The following LOXL3 variants were observed in gnomAD, a reference collection of about 807,000 sequenced individuals.
The protein encoded by LOXL3 is lysyl oxidase homolog 3.
In LOXL3, 60 loss-of-function variants were observed where a neutral mutation model predicts 91.8. That is an observed-to-expected ratio of 0.65 (90% CI 0.53 to 0.81). The LOEUF is 0.81. Ranked by LOEUF, LOXL3 falls within the 30% of genes least tolerant of loss-of-function variation. The pLI is 0.00. For missense variants in LOXL3, 874 were observed against 1,000.4 expected (o/e 0.87, Z 1.70); for synonymous variants, 355 against 387.6 (o/e 0.92, Z 0.99).
At chr2:74,542,305 TCAAA>T (rs149001496) in intron 4 of LOXL3, among the ~76,000 whole-genome samples, 9,181 of 151,884 alleles carry the variant, frequency 0.06, 500 homozygotes, top group East Asian at 0.33. Flanking sequence ...AAACAAGGAA[TCAAA>T]CAAACAAACA....
In LOXL3 at chr2:74,534,450, TTC is replaced by T; in HGVS notation, c.1824-21_1824-20del. On this transcript the variant is annotated intron_variant, in intron 10 of 13. Coordinates refer to ENST00000264094, the MANE Select transcript of LOXL3 (RefSeq NM_032603.5). ...GTAATGCCTGTGGGGAGAAGGGAAC[TTC>T]TGTTTCCTTCTCTGCCCCCAGAAGG... 8 of 1,613,328 alleles carry T rather than the reference TTC, an allele frequency of 5.0e-6. No homozygotes were observed. The highest frequency in any genetic ancestry group is 6.8e-6 in the Non-Finnish European group (8 of 1,179,268).
rs1259557207 is a variant in LOXL3 at position 74,535,661 on chromosome 2, T to C, written c.1343A>G (p.Asp448Gly). The C allele has an allele frequency of 9.3e-6, 15 of 1,613,290 alleles. No homozygotes were observed. The highest frequency in any genetic ancestry group is 1.3e-5 in the Non-Finnish European group (15 of 1,179,822). Residue 448 changes from aspartate to glycine, a missense_variant, in exon 8 of 14, where the codon GAT becomes GGT. Asp to Gly is a moderately conservative substitution (Grantham distance 94). Transcript: ENST00000264094. The surrounding 1 kb of genome is among the most constrained non-coding windows in gnomAD (Gnocchi z 4.2). ...GPLRWGLICG[D>G]DWGTLEAMVA... Reference sequence around the variant, plus strand: ...CATGGCCTCCAGGGTCCCCCAGTCATCCCCACAGATGAGGCCCCAGCGAAG... The same window carrying C: ...CATGGCCTCCAGGGTCCCCCAGTCACCCCCACAGATGAGGCCCCAGCGAAG...
chr2:74,545,207 T>C (rs1002773659), intron 4 of LOXL3, among the ~76,000 whole-genome samples: 1 of 152,186 alleles, frequency 6.6e-6, no homozygotes, highest in Non-Finnish European at 1.5e-5. Context: ...TCATTCTCTA[T>C]GTTCTATCAG....
intron 1 of LOXL3, 105 bp downstream of exon 1, chr2:74,553,771 G>C (rs939162867): frequency 6.6e-6 from 1 of 152,588 alleles, no homozygotes; most frequent in African/African-American, 2.4e-5. Flanking sequence ...TCTCAGTTGG[G>C]TGGCTTCCCC....
In LOXL3 at chr2:74,532,731, A is replaced by G; in HGVS notation, c.*875T>C. 6.2e-7 allele frequency: 1 copy of G among 1,612,828 alleles called. No homozygotes were observed. The highest frequency in any genetic ancestry group is 8.5e-7 in the Non-Finnish European group (1 of 1,178,862). On this transcript the variant is annotated 3_prime_UTR_variant, in exon 14 of 14. Coordinates refer to ENST00000264094, the MANE Select transcript of LOXL3 (RefSeq NM_032603.5). ...TGCACACCGGTGAGGGAGAGGCTGC[A>G]GTGTGATATGGGGATGGGCAAGGTG... is the stretch of plus-strand genomic sequence containing the variant.
intron 2 of LOXL3, among the ~76,000 whole-genome samples, chr2:74,551,516 G>C (rs546882448): frequency 6.6e-6 from 1 of 152,312 alleles, no homozygotes; most frequent in South Asian, 2.1e-4. Context: ...CAACCATTAC[G>C]CCATTGCTAT....
chr2:74,538,821 A>G lies in LOXL3; in HGVS notation c.693-1893T>C, dbSNP rs10490355. ...ATGGCGTCTGAAAGAGAAAAGCACC[A>G]TGTTGTCTCCTGGAACTCAGCAGGG... On this transcript the variant is annotated intron_variant, in intron 4 of 13. Transcript: ENST00000264094. Among the ~76,000 whole-genome samples, 534 of 152,346 alleles carry G rather than the reference A, an allele frequency of 3.5e-3. 4 individuals carry two copies. Among genetic ancestry groups the G allele is most frequent in the African/African-American group, 0.012 (516 of 41,586 alleles).
At position 74,535,507 on chromosome 2, in the gene LOXL3, C is replaced by T; in HGVS notation, c.1417-53G>A. The T allele has an allele frequency of 6.2e-7, 1 of 1,612,060 alleles. No individual in the cohort carries two copies. Among genetic ancestry groups the T allele is most frequent in the South Asian group, 1.1e-5 (1 of 91,054 alleles). On this transcript the variant is annotated intron_variant, in intron 8 of 13. Coordinates refer to ENST00000264094, the MANE Select transcript of LOXL3 (RefSeq NM_032603.5). The surrounding 1 kb of genome is among the most constrained non-coding windows in gnomAD (Gnocchi z 4.2). ...AGGCCCAGGATCCAGCATCTTGGGCCAAGGGACTCATTCCTCAGCCCTCTG... is the reference window on the plus strand; with the variant it reads ...AGGCCCAGGATCCAGCATCTTGGGCTAAGGGACTCATTCCTCAGCCCTCTG...
At chr2:74,554,028 G>C (rs549983859), upstream of LOXL3, 1 of 149,896 alleles carries the variant, frequency 6.7e-6, no homozygotes, top group Admixed American at 6.7e-5. The surrounding 1 kb of genome is among the most constrained non-coding windows in gnomAD (Gnocchi z 4.9). Flanking sequence ...ATCCCCCTGA[G>C]CCCTCCCACA....
chr2:74,539,995 C>T (rs1676231569), intron 4 of LOXL3: 1 of 152,540 alleles, frequency 6.6e-6, no homozygotes, highest in South Asian at 2.1e-4. Context: ...ACTCCTGAGA[C>T]CCGAGCTTTC....
chr2:74,549,283 C>G lies in LOXL3; in HGVS notation c.692+86G>C. ...CCGACCCCCGGGTCCTCCCGTGCCC[C>G]GGACCTGCTCAGATGTCTCCCAAGG... On this transcript the variant is annotated intron_variant, in intron 4 of 13. Coordinates refer to ENST00000264094, the MANE Select transcript of LOXL3 (RefSeq NM_032603.5). This position sits in a 1 kb window ranked among gnomAD's most constrained non-coding sequence, Gnocchi z 5.3. The G allele has an allele frequency of 7.1e-7, 1 of 1,410,004 alleles. No homozygotes were observed. Among genetic ancestry groups the G allele is most frequent in the South Asian group, 1.5e-5 (1 of 64,988 alleles). The allele number at this position is 1,410,004 out of a possible 1,614,324, so 87.3% of individuals were successfully genotyped here.
intron 2 of LOXL3, among the ~76,000 whole-genome samples, chr2:74,551,170 G>A (rs941610134): frequency 1.3e-5 from 2 of 152,166 alleles, no homozygotes; most frequent in Admixed American, 1.3e-4. Context: ...CTGACCTCAG[G>A]TGATCCACCC....
chr2:74,535,900 C>T lies in LOXL3; in HGVS notation c.1248+96G>A. The T allele has an allele frequency of 6.7e-7, 1 of 1,489,136 alleles. No homozygotes were observed. The highest frequency in any genetic ancestry group is 8.9e-7 in the Non-Finnish European group (1 of 1,118,504). 92.2% of individuals were successfully genotyped at this position (1,489,136 alleles called of 1,614,324 possible). ...GTGGGAGCTGCAGGAGGGCAGGGGC[C>T]TGGGGCAATGGGCTGGGGGCCATTG... On this transcript the variant is annotated intron_variant, in intron 7 of 13. Transcript: ENST00000264094. This position sits in a 1 kb window ranked among gnomAD's most constrained non-coding sequence, Gnocchi z 4.2.
chr2:74,536,471 C>T lies in LOXL3; in HGVS notation c.913G>A (p.Ala305Thr), dbSNP rs1676030596. ...KQQQSKPQGE[A>T]RVRLKGGAHP... Reference sequence around the variant, plus strand: ...GCGCCGCCCTTTAGACGGACACGGGCCTATAGAAGAGAGAAGTGCCCAACA... The same window carrying T: ...GCGCCGCCCTTTAGACGGACACGGGTCTATAGAAGAGAGAAGTGCCCAACA... The change falls in exon 6 of 14, where the codon GCC (alanine) becomes ACC (threonine). Residue 305 changes from alanine (A) to threonine (T), a missense_variant and splice_region_variant. Coordinates refer to ENST00000264094, the MANE Select transcript of LOXL3 (RefSeq NM_032603.5). This position sits in a 1 kb window ranked among gnomAD's most constrained non-coding sequence, Gnocchi z 4.5. The T allele has an allele frequency of 1.9e-6, 3 of 1,611,770 alleles. No individual in the cohort carries two copies. In the South Asian group the frequency reaches 3.3e-5, roughly 18 times the overall value.
chr2:74,549,700 G>A lies in LOXL3; in HGVS notation c.478-117C>T, dbSNP rs1244685160. 1.4e-6 allele frequency: 2 copies of A among 1,449,660 alleles called. No homozygotes were observed. Among genetic ancestry groups the A allele is most frequent in the East Asian group, 2.5e-5 (1 of 39,918 alleles). 89.8% of individuals were successfully genotyped at this position (1,449,660 alleles called of 1,614,324 possible). ...GTAAACCCAGTGGCGGGATGGGCCC[G>A]AGGCGGCGCTGAGAGAGCGGCCACG... On this transcript the variant is annotated intron_variant, in intron 3 of 13. Coordinates refer to ENST00000264094, the MANE Select transcript of LOXL3 (RefSeq NM_032603.5). The surrounding 1 kb of genome is among the most constrained non-coding windows in gnomAD (Gnocchi z 5.3).
In LOXL3 at chr2:74,549,269, G is replaced by T. The variant is rs1162289627; in HGVS notation, c.692+100C>A. On this transcript the variant is annotated intron_variant, in intron 4 of 13. Coordinates refer to ENST00000264094, the MANE Select transcript of LOXL3 (RefSeq NM_032603.5). This position sits in a 1 kb window ranked among gnomAD's most constrained non-coding sequence, Gnocchi z 5.3. ...TTTTCCCGCGCGTCCCGACCCCCGG[G>T]TCCTCCCGTGCCCCGGACCTGCTCA... 2 of 1,330,454 alleles carry T rather than the reference G, an allele frequency of 1.5e-6. No individual in the cohort carries two copies. Among genetic ancestry groups the T allele is most frequent in the Non-Finnish European group, 2.0e-6 (2 of 1,010,192 alleles). 82.4% of individuals were successfully genotyped at this position (1,330,454 alleles called of 1,614,324 possible).
In LOXL3 at chr2:74,535,694, G is replaced by C. The variant is rs1466120938; in HGVS notation, c.1310C>G (p.Pro437Arg). ...GATGAGGCCCCAGCGAAGGGGCCCAGGTCCCCCTATTTGCACCTCGACTCG... is the reference window on the plus strand; with the variant it reads ...GATGAGGCCCCAGCGAAGGGGCCCACGTCCCCCTATTTGCACCTCGACTCG... ...EGRVEVQIGG[P>R]GPLRWGLICG... is the part of the protein sequence containing the mutation. Residue 437 changes from proline (P) to arginine (R), a missense_variant, in exon 8 of 14, where the codon CCT becomes CGT. By Grantham distance (103) the Pro-to-Arg change is moderately radical (BLOSUM62 -2). Transcript: ENST00000264094. The surrounding 1 kb of genome is among the most constrained non-coding windows in gnomAD (Gnocchi z 4.2). The C allele has an allele frequency of 3.1e-6, 5 of 1,607,512 alleles. No homozygotes were observed. Among genetic ancestry groups the C allele is most frequent in the Non-Finnish European group, 4.2e-6 (5 of 1,178,286 alleles).
chr2:74,534,819 C>T (rs1263126580), intron 9 of LOXL3, 45 bp from the exon 10 acceptor site: 1 of 1,591,402 alleles, frequency 6.3e-7, no homozygotes, highest in African/African-American at 1.3e-5. Flanking sequence ...CTGCTGACTT[C>T]ACAGAGAGGG....
upstream of LOXL3, chr2:74,554,644 C>A: frequency 9.3e-7 from 1 of 1,070,378 alleles, no homozygotes; most frequent in Non-Finnish European, 1.4e-6. This position sits in a 1 kb window ranked among gnomAD's most constrained non-coding sequence, Gnocchi z 4.9. Flanking sequence ...CCCCCAGCGG[C>A]TGCCGGCGGG....
Sources: allele counts gnomAD v4.1 joint callset (sites outside exome capture counted in the v4.1 genomes callset), GRCh38; gene constraint gnomAD v4.1.1; non-coding constraint Gnocchi (gnomAD v3.1); transcripts MANE v1.5; gene names NCBI Gene and HGNC (gene_info 2026-07-23, HGNC 2026-07-21).